SCN3A: variants seen among roughly 807,000 people sequenced by gnomAD.
SCN3A encodes the protein sodium channel protein type 3 subunit alpha.
SCN3A carries 60 observed loss-of-function variants against 187.6 expected under a neutral mutation model. That is an observed-to-expected ratio of 0.32 (90% CI 0.26 to 0.40). The LOEUF is 0.40. Among genes scored for constraint, SCN3A ranks in the 10% least tolerant of loss-of-function variants. The probability of loss-of-function intolerance (pLI) is 1.00; values close to 1 mark genes in which losing one functional copy is unlikely to be tolerated. For missense variants in SCN3A, 1,601 were observed against 2,428.2 expected (o/e 0.66, Z 7.16); for synonymous variants, 788 against 829.2 (o/e 0.95, Z 0.85).
rs16850098 is a variant in SCN3A, at chr2:165,094,784, C to T, written c.4432-306G>A. On this transcript the variant is annotated intron_variant, in intron 25 of 27. Coordinates refer to ENST00000283254, the MANE Select transcript of SCN3A (RefSeq NM_006922.4). ...ACATTTTCTTAGTCCATTTCACTGCCGATAATTTTACTTCTTCATTCAACA... is the reference window on the plus strand; with the variant it reads ...ACATTTTCTTAGTCCATTTCACTGCTGATAATTTTACTTCTTCATTCAACA... Among the ~76,000 whole-genome samples the T allele has an allele frequency of 9.2e-3, 1,399 of 152,176 alleles. 15 individuals are homozygous for T. The highest frequency in any genetic ancestry group is 0.031 in the African/African-American group (1,307 of 41,516).
intron 13 of SCN3A, 56 bp from the exon 14 acceptor site, chr2:165,139,664 C>T: frequency 6.2e-7 from 1 of 1,605,164 alleles, no homozygotes; most frequent in Non-Finnish European, 8.5e-7. Context: ...AATACAACAC[C>T]ACATAGCATT....
intron 26 of SCN3A, 30 bp downstream of exon 26, chr2:165,094,344 G>A (rs550476833): frequency 2.6e-5 from 39 of 1,501,456 alleles, no homozygotes; most frequent in Admixed American, 8.4e-5. Flanking sequence ...GCATGGCTTT[G>A]GAACATTAAA....
intron 18 of SCN3A, among the ~76,000 whole-genome samples, chr2:165,122,270 C>G (rs974897245): frequency 6.8e-6 from 1 of 146,212 alleles, no homozygotes; most frequent in African/African-American, 2.5e-5. Flanking sequence ...ACCTTTCCCC[C>G]AAAACATGAA....
intron 26 of SCN3A, chr2:165,094,143 C>G: frequency 1.9e-6 from 1 of 536,644 alleles, no homozygotes. Context: ...ATTAGGAACC[C>G]TGAGCTAGAA....
At position 165,132,071 on chromosome 2, in the gene SCN3A, A is replaced by G. The variant is rs185764961; in HGVS notation, c.2392-654T>C. Among the ~76,000 whole-genome samples, 8 of 152,222 alleles carry G rather than the reference A, an allele frequency of 5.3e-5. No homozygotes were observed. In the East Asian group the frequency reaches 1.5e-3, roughly 29 times the overall value. On this transcript the variant is annotated intron_variant, in intron 15 of 27. Transcript: ENST00000283254. ...TAAAATACCTAGGAGTCCAACTTAC[A>G]AGGGACGTGAAGGACCTCTTCAAGG...
intron 5 of SCN3A, among the ~76,000 whole-genome samples, 189 bp downstream of exon 5, chr2:165,168,547 T>G (rs1332275744): frequency 3.3e-5 from 5 of 152,054 alleles, no homozygotes; most frequent in Admixed American, 1.3e-4. Flanking sequence ...ATTGTCATGA[T>G]TTTGTTGGAA....
In SCN3A at chr2:165,092,620, G is replaced by A; in HGVS notation, c.4537-96C>T. 1 of 1,126,496 alleles carries A rather than the reference G, an allele frequency of 8.9e-7. No homozygotes were observed. Among genetic ancestry groups the A allele is most frequent in the Non-Finnish European group, 1.3e-6 (1 of 761,358 alleles). The allele number at this position is 1,126,496 out of a possible 1,614,324, so 69.8% of individuals were successfully genotyped here. ...ATAAAGCCCTTCCACATACGGGATG[G>A]ATGTGCACCCTCCTCATATTACCCC... On this transcript the variant is annotated intron_variant, in intron 26 of 27. Transcript: ENST00000283254. This position sits in a 1 kb window ranked among gnomAD's most constrained non-coding sequence, Gnocchi z 4.2.
chr2:165,164,717 T>C (rs973740745), intron 5 of SCN3A, among the ~76,000 whole-genome samples, 197 bp from the exon 6 acceptor site: 5 of 152,180 alleles, frequency 3.3e-5, no homozygotes, highest in African/African-American at 4.8e-5. Context: ...AGAGAAAATA[T>C]ATTCTTTAGG....
At chr2:165,195,479 G>T (rs1396476371) in intron 1 of SCN3A, 1 of 152,102 alleles carries the variant, frequency 6.6e-6, no homozygotes, top group Non-Finnish European at 1.5e-5. Flanking sequence ...AGAAAGTATT[G>T]AGTTCCCACA....
At chr2:165,116,284 A>G (rs1686364145) in intron 18 of SCN3A, among the ~76,000 whole-genome samples, 1 of 152,296 alleles carries the variant, frequency 6.6e-6, no homozygotes, top group South Asian at 2.1e-4. Flanking sequence ...ATCTCTATAG[A>G]CTTTCATTAG....
intron 1 of SCN3A, among the ~76,000 whole-genome samples, chr2:165,197,758 A>T (rs1692058109): frequency 1.3e-5 from 2 of 151,882 alleles, no homozygotes; most frequent in South Asian, 4.1e-4. Context: ...GCTTTATGTC[A>T]GTGTAAGAGA....
chr2:165,128,762 C>T (rs1687144637), intron 17 of SCN3A, among the ~76,000 whole-genome samples: 1 of 151,628 alleles, frequency 6.6e-6, no homozygotes. Flanking sequence ...AGGCTAGACC[C>T]ACATAAGTTA....
In SCN3A at chr2:165,094,480, TAA is replaced by T; in HGVS notation, c.4432-4_4432-3del. 6.3e-7 allele frequency: 1 copy of T among 1,586,566 alleles called. No homozygotes were observed. The highest frequency in any genetic ancestry group is 1.1e-5 in the South Asian group (1 of 90,496). The stretch of plus-strand genomic sequence containing the variant: ...CATAAAGATGTCTTGACCTCCAAAG[TAA>T]AGACATAGTATAAAACTGGTTACAA... On this transcript the variant is annotated splice_polypyrimidine_tract_variant and splice_region_variant and intron_variant, in intron 25 of 27. Coordinates refer to ENST00000283254, the MANE Select transcript of SCN3A (RefSeq NM_006922.4).
chr2:165,131,455 A>G (rs1687310863), intron 15 of SCN3A, 38 bp from the exon 16 acceptor site: 1 of 1,450,476 alleles, frequency 6.9e-7, no homozygotes, highest in Non-Finnish European at 9.5e-7. Flanking sequence ...AAGAGCACTG[A>G]AAAACACTGA....
intron 1 of SCN3A, among the ~76,000 whole-genome samples, chr2:165,200,932 T>C (rs149595258): frequency 1.3e-5 from 2 of 152,096 alleles, no homozygotes; most frequent in African/African-American, 2.4e-5. Flanking sequence ...GTTAATAGAA[T>C]TGAAGCATTA....
intron 11 of SCN3A, among the ~76,000 whole-genome samples, 184 bp from the exon 12 acceptor site, chr2:165,147,213 G>C (rs565206467): frequency 8.8e-5 from 13 of 148,244 alleles, no homozygotes; most frequent in African/African-American, 3.2e-4. Context: ...ATCATATAAA[G>C]CAATATGCTA....
In SCN3A at chr2:165,147,022, G is replaced by A. The variant is rs112943141; in HGVS notation, c.1388C>T (p.Ala463Val). ...ATCTCTTGAAGCAGCTGATGCTGCC[G>A]CAACTGCCTGTCATAAAACAAAGCC... The part of the protein sequence containing the change: ...KKQQEEAQAV[A>V]AASAASRDFS... The change falls in exon 12 of 28, where the codon GCG becomes GTG. Residue 463 changes from alanine (A) to valine (V), a missense_variant. Around this residue, in one of 11 missense-constraint regions of SCN3A, gnomAD observed 376 missense variants for 476.0 expected, o/e 0.79. Coordinates refer to ENST00000283254, the MANE Select transcript of SCN3A (RefSeq NM_006922.4). The A allele has an allele frequency of 2.7e-5, 43 of 1,613,834 alleles. No individual in the cohort carries two copies. Among genetic ancestry groups the A allele is most frequent in the Middle Eastern group, 3.3e-4 (2 of 6,060 alleles).
intron 11 of SCN3A, among the ~76,000 whole-genome samples, chr2:165,149,309 G>C (rs1688542274): frequency 6.6e-6 from 1 of 151,940 alleles, no homozygotes; most frequent in Non-Finnish European, 1.5e-5. Flanking sequence ...TGAGTAGCTA[G>C]GATTACAGGC....
At chr2:165,155,994 T>C (rs1689000509) in intron 9 of SCN3A, 91 bp from the exon 10 acceptor site, 6 of 1,475,288 alleles carry the variant, frequency 4.1e-6, no homozygotes, top group Admixed American at 3.4e-5. Flanking sequence ...AACCCAAAGC[T>C]GCTATCTGTG....
Sources: gnomAD v4.1 joint callset for allele counts (sites outside exome capture counted in the v4.1 genomes callset) on GRCh38, gnomAD v4.1.1 for gene constraint, gnomAD v4.1.1 regional missense constraint, Gnocchi (gnomAD v3.1) non-coding constraint, MANE v1.5 for transcripts, NCBI Gene and HGNC (gene_info 2026-07-23, HGNC 2026-07-21) for gene names.